Variants in RCAN3 observed in about 807,000 individuals in gnomAD.
RCAN3 encodes the protein calcipressin-3.
In RCAN3, 19 loss-of-function variants were observed where a neutral mutation model predicts 21.9. The ratio of observed to expected loss-of-function variants is 0.87; its 90% CI spans 0.61 to 1.27. RCAN3 has a LOEUF of 1.27. Among genes scored for constraint, RCAN3 ranks in the 50% most tolerant of loss-of-function variants. The pLI, the probability that RCAN3 is intolerant of heterozygous loss-of-function variation, is 0.00. For missense variants in RCAN3, 240 were observed against 300.1 expected (o/e 0.80, Z 1.48); for synonymous variants, 114 against 112.3 (o/e 1.01, Z -0.09).
At chr1:24,523,163 A>G (rs532099751) in intron 2 of RCAN3, among the ~76,000 whole-genome samples, 4 of 151,614 alleles carry the variant, frequency 2.6e-5, no homozygotes, top group Non-Finnish European at 5.9e-5. Flanking sequence ...TCCCGGGTTC[A>G]AAGAGTTCTC....
chr1:24,522,214 A>G (rs553628530), intron 2 of RCAN3, among the ~76,000 whole-genome samples: 1 of 152,250 alleles, frequency 6.6e-6, no homozygotes, highest in South Asian at 2.1e-4. Context: ...GTATGTATGT[A>G]TTGGACACCT....
intron 2 of RCAN3, among the ~76,000 whole-genome samples, chr1:24,523,705 A>G (rs146013470): frequency 0.068 from 10,345 of 151,250 alleles, 1,147 homozygotes; most frequent in African/African-American, 0.23. Flanking sequence ...GCAGTGGTAC[A>G]ATCTCGGCCC....
chr1:24,533,107 G>T lies in RCAN3; in HGVS notation c.394G>T (p.Asp132Tyr). Reference protein sequence around the residue: ...AQVQMSGEVRDKSYLLPPQPV... With the variant: ...AQVQMSGEVRYKSYLLPPQPV... ...GGTGCAGATGTCCGGCGAAGTGCGG[G>T]ACAAGTCCTATCTCCTGCCGCCCCA... Residue 132 changes from aspartate (D) to tyrosine (Y), a missense_variant, in exon 4 of 5, where the codon GAC becomes TAC. Transcript: ENST00000374395. The T allele has an allele frequency of 2.6e-6, 4 of 1,530,398 alleles. No individual in the cohort carries two copies. The highest frequency in any genetic ancestry group is 3.5e-6 in the Non-Finnish European group (4 of 1,141,272). 94.8% of individuals were successfully genotyped at this position (1,530,398 alleles called of 1,614,324 possible).
intron 2 of RCAN3, among the ~76,000 whole-genome samples, chr1:24,516,060 T>G (rs1427349826): frequency 6.6e-6 from 1 of 152,056 alleles, no homozygotes; most frequent in Non-Finnish European, 1.5e-5. Context: ...GGAGAATCGC[T>G]TGAACCTGGG....
Position 24,535,185 on chromosome 1 carries a change from A to G in RCAN3, c.634A>G (p.Lys212Glu). 1 of 1,595,978 alleles carries G rather than the reference A, an allele frequency of 6.3e-7. No individual in the cohort carries two copies. Among genetic ancestry groups the G allele is most frequent in the Non-Finnish European group, 8.5e-7 (1 of 1,173,486 alleles). The change falls in exon 5 of 5, where the codon AAA becomes GAA. Residue 212 changes from lysine (K) to glutamate (E), a missense_variant. Physicochemically the swap from Lys to Glu is moderately conservative, Grantham distance 56 (BLOSUM62 1). Transcript: ENST00000374395. The part of the protein sequence containing the change: ...ESETEEEEET[K>E]NPKQKIAQTR... ...TGAAACTGAAGAGGAAGAAGAGACA[A>G]AAAACCCCAAACAGAAAATTGCCCA...
At chr1:24,521,374 G>A (rs1260551895) in intron 2 of RCAN3, among the ~76,000 whole-genome samples, 2 of 152,060 alleles carry the variant, frequency 1.3e-5, no homozygotes, top group African/African-American at 2.4e-5. Flanking sequence ...AGGCCAGCCT[G>A]GAAACGTAGT....
At position 24,535,175 on chromosome 1, in the gene RCAN3, A is replaced by G. The variant is rs1346872470; in HGVS notation, c.624A>G (p.Glu208=). 1 of 1,595,574 alleles carries G rather than the reference A, an allele frequency of 6.3e-7. No homozygotes were observed. The highest frequency in any genetic ancestry group is 1.8e-5 in the Admixed American group (1 of 55,150). Residue 208 remains glutamate, a synonymous_variant, in exon 5 of 5, where the codon GAA becomes GAG. Transcript: ENST00000374395. ...TCTGTGAAAGTGAAACTGAAGAGGA[A>G]GAAGAGACAAAAAACCCCAAACAGA... is the stretch of plus-strand genomic sequence containing the variant. The part of the protein sequence containing the change: ...VHVCESETEE[E]EETKNPKQKI...
chr1:24,538,296 G>A lies in RCAN3; in HGVS notation c.*3019G>A, dbSNP rs1288766089. 1 of 152,124 alleles carries A rather than the reference G, an allele frequency of 6.6e-6. No homozygotes were observed. The highest frequency in any genetic ancestry group is 1.5e-5 in the Non-Finnish European group (1 of 68,024). The allele number at this position is 152,124 out of a possible 1,614,324, so 9.4% of individuals were successfully genotyped here. Reference sequence around the variant, plus strand: ...TTTTCACATTCTGCTTCTTCAAAATGTTGTACTCAAAAACATACCAGTAAT... The same window carrying A: ...TTTTCACATTCTGCTTCTTCAAAATATTGTACTCAAAAACATACCAGTAAT... On this transcript the variant is annotated 3_prime_UTR_variant, in exon 5 of 5. Coordinates refer to ENST00000374395, the MANE Select transcript of RCAN3 (RefSeq NM_013441.4).
At chr1:24,534,523 C>G (rs759752025) in intron 4 of RCAN3, among the ~76,000 whole-genome samples, 2 of 152,152 alleles carry the variant, frequency 1.3e-5, no homozygotes, top group African/African-American at 4.8e-5. Flanking sequence ...AGGAGAATGG[C>G]GTGAACCCGG....
At chr1:24,530,356 CAAAAAAAAAAA>C (rs56914359) in intron 2 of RCAN3, among the ~76,000 whole-genome samples, 5 of 81,520 alleles carry the variant, frequency 6.1e-5, no homozygotes, top group African/African-American at 1.5e-4. Flanking sequence ...CTCTTATCTC[CAAAAAAAAAAA>C]AAAAAAAAAA....
Position 24,518,310 on chromosome 1 carries a change from A to AT in RCAN3, c.195+3747dup, listed in dbSNP as rs537152003. On this transcript the variant is annotated intron_variant, in intron 2 of 4. Coordinates refer to ENST00000374395, the MANE Select transcript of RCAN3 (RefSeq NM_013441.4). ...TGTAATCTTTGCTCTAGATCATTAG[A>AT]TTTTGGCTCTATGTTTTTATCAATA... Among the ~76,000 whole-genome samples, 140 of 152,304 alleles carry AT rather than the reference A, an allele frequency of 9.2e-4. 3 individuals are homozygous for AT. In the South Asian group the frequency reaches 0.028, roughly 31 times the overall value.
chr1:24,508,856 T>C (rs1381386741), intron 1 of RCAN3, among the ~76,000 whole-genome samples: 7 of 152,224 alleles, frequency 4.6e-5, no homozygotes, highest in Admixed American at 3.3e-4. Flanking sequence ...AAAAATACTT[T>C]GTTGCTAAAA....
chr1:24,539,377 A>G lies in RCAN3; in HGVS notation c.*4100A>G, dbSNP rs1365427669. On this transcript the variant is annotated 3_prime_UTR_variant, in exon 5 of 5. Coordinates refer to ENST00000374395, the MANE Select transcript of RCAN3 (RefSeq NM_013441.4). ...ATGTCCCATGTTTTGTAGTTTTGTT[A>G]TCATTGAACCATTGGGGCTGGAATC... 6.6e-6 allele frequency: 1 copy of G among 152,178 alleles called. No individual in the cohort carries two copies. The highest frequency in any genetic ancestry group is 1.5e-5 in the Non-Finnish European group (1 of 68,020). 9.4% of individuals were successfully genotyped at this position (152,178 alleles called of 1,614,324 possible).
At chr1:24,507,799 G>A (rs780848029) in intron 1 of RCAN3, 5 of 152,240 alleles carry the variant, frequency 3.3e-5, no homozygotes, top group Non-Finnish European at 7.3e-5. Context: ...TGAAAAATAC[G>A]GCTAGGCGTG....
intron 2 of RCAN3, among the ~76,000 whole-genome samples, chr1:24,530,012 A>C (rs1649621416): frequency 6.6e-6 from 1 of 151,142 alleles, no homozygotes; most frequent in African/African-American, 2.4e-5. Context: ...AAAAAAAACA[A>C]AACAAAATTA....
intron 2 of RCAN3, among the ~76,000 whole-genome samples, chr1:24,530,356 CAAAAAAAAAA>C (rs56914359): frequency 4.9e-5 from 4 of 81,496 alleles, no homozygotes; most frequent in African/African-American, 9.8e-5. Flanking sequence ...CTCTTATCTC[CAAAAAAAAAA>C]AAAAAAAAAA....
chr1:24,533,238 T>C lies in RCAN3; in HGVS notation c.525T>C (p.Val175=). 1 of 1,558,744 alleles carries C rather than the reference T, an allele frequency of 6.4e-7. No homozygotes were observed. The highest frequency in any genetic ancestry group is 8.6e-7 in the Non-Finnish European group (1 of 1,157,868). Residue 175 remains valine (V), a synonymous_variant, in exon 4 of 5, where the codon GTT becomes GTC. Coordinates refer to ENST00000374395, the MANE Select transcript of RCAN3 (RefSeq NM_013441.4). ...PVINYDLLCA[V]SKLGPGEKYE... is the part of the protein sequence containing the mutation. ...TAAATTATGATTTACTCTGTGCTGT[T>C]TCCAAATTGGGACCAGGTAATAAAC...
chr1:24,521,694 A>G (rs963996367), intron 2 of RCAN3, among the ~76,000 whole-genome samples: 3 of 152,102 alleles, frequency 2.0e-5, no homozygotes, highest in Non-Finnish European at 4.4e-5. Flanking sequence ...CTAAAAATAC[A>G]AAAATTAGCT....
At chr1:24,519,373 T>C (rs1399782337) in intron 2 of RCAN3, among the ~76,000 whole-genome samples, 1 of 152,118 alleles carries the variant, frequency 6.6e-6, no homozygotes, top group Non-Finnish European at 1.5e-5. Flanking sequence ...AAATTAATCT[T>C]GCTTCTGGTT....
Sources: gnomAD v4.1 joint callset for allele counts (sites outside exome capture counted in the v4.1 genomes callset) on GRCh38, gnomAD v4.1.1 for gene constraint, MANE v1.5 for transcripts, NCBI Gene and HGNC (gene_info 2026-07-23, HGNC 2026-07-21) for gene names.